The following PBX4 variants were observed in gnomAD, a reference collection of about 807,000 sequenced individuals.
PBX4 encodes PBX homeobox 4.
PBX4 carries 26 observed loss-of-function variants against 35.1 expected under a neutral mutation model. The observed-to-expected ratio is 0.74, with a 90% CI of 0.54 to 1.03. The LOEUF (loss-of-function observed/expected upper bound fraction) is 1.03, where lower values mean the gene tolerates loss of function less well. PBX4 is among the 50% of genes least tolerant of loss of function. The pLI is 0.00. For missense variants in PBX4, 448 were observed against 504.3 expected (o/e 0.89, Z 1.07); for synonymous variants, 199 against 204.2 (o/e 0.97, Z 0.22).
At chr19:19,605,338 C>T (rs1363021513) in intron 1 of PBX4, among the ~76,000 whole-genome samples, 1 of 150,848 alleles carries the variant, frequency 6.6e-6, no homozygotes, top group East Asian at 1.9e-4. Flanking sequence ...ATCACTTGAG[C>T]CTGGGAGGTG....
chr19:19,592,526 G>T (rs577701426), intron 2 of PBX4, among the ~76,000 whole-genome samples: 1 of 152,104 alleles, frequency 6.6e-6, no homozygotes, highest in African/African-American at 2.4e-5. Context: ...CCATTCCTGG[G>T]GTTCACCAGG....
Position 19,563,459 on chromosome 19 carries a change from T to G in PBX4, c.1032+50A>C. 3.5e-6 allele frequency: 5 copies of G among 1,419,880 alleles called. No individual in the cohort carries two copies. Among genetic ancestry groups the G allele is most frequent in the Non-Finnish European group, 4.8e-6 (5 of 1,049,272 alleles). 88.0% of individuals were successfully genotyped at this position (1,419,880 alleles called of 1,614,324 possible). A position where few individuals can be genotyped will look rare whatever the true frequency, so the allele number is the denominator to read the frequency against. On this transcript the variant is annotated intron_variant, in intron 7 of 7. Transcript: ENST00000251203. The surrounding 1 kb of genome is among the most constrained non-coding windows in gnomAD (Gnocchi z 5.1). Reference sequence around the variant, plus strand: ...GGGTGGCTGACAAGACGACCCTTTCTGAGAACCTACCACCCACCTGGGCGC... The same window carrying G: ...GGGTGGCTGACAAGACGACCCTTTCGGAGAACCTACCACCCACCTGGGCGC...
At chr19:19,617,587 A>C (rs1406011196) in intron 1 of PBX4, among the ~76,000 whole-genome samples, 1 of 152,072 alleles carries the variant, frequency 6.6e-6, no homozygotes, top group African/African-American at 2.4e-5. Context: ...CCCAGTCCTT[A>C]TTTTTTGCTA....
chr19:19,577,606 C>G (rs1026291834), intron 2 of PBX4, among the ~76,000 whole-genome samples: 3 of 152,158 alleles, frequency 2.0e-5, no homozygotes, highest in Non-Finnish European at 4.4e-5. Context: ...GTGGCTCACG[C>G]CTATAATCCC....
chr19:19,564,706 A>G lies in PBX4; in HGVS notation c.925+227T>C, dbSNP rs1057186780. On this transcript the variant is annotated intron_variant, in intron 6 of 7. Transcript: ENST00000251203. ...GTGAGCCACCGCACCCAGACCTTTC[A>G]TGTCTTTTCTTATTAGTATCGCCAT... 8.6e-6 allele frequency: 5 copies of G among 579,192 alleles called. No individual in the cohort carries two copies. In the African/African-American group the frequency reaches 9.4e-5, roughly 11 times the overall value. 35.9% of individuals were successfully genotyped at this position (579,192 alleles called of 1,614,324 possible).
At chr19:19,594,989 T>G (rs2061552694) in intron 2 of PBX4, among the ~76,000 whole-genome samples, 1 of 152,242 alleles carries the variant, frequency 6.6e-6, no homozygotes, top group South Asian at 2.1e-4. Context: ...CCCAAAGTGC[T>G]GGGATTACAG....
chr19:19,615,846 C>T (rs1234239756), intron 1 of PBX4, among the ~76,000 whole-genome samples: 5 of 152,128 alleles, frequency 3.3e-5, no homozygotes, highest in African/African-American at 9.7e-5. Context: ...GCCGAGATAG[C>T]GCCACTGCAC....
chr19:19,592,276 C>T (rs188252034), intron 2 of PBX4, among the ~76,000 whole-genome samples: 1 of 152,340 alleles, frequency 6.6e-6, no homozygotes, highest in East Asian at 1.9e-4. Flanking sequence ...ATCTGGTTCT[C>T]CCAGCTAAAT....
Position 19,608,865 on chromosome 19 carries a change from T to C in PBX4, c.120-9500A>G, listed in dbSNP as rs116649430. Among the ~76,000 whole-genome samples the C allele has an allele frequency of 4.1e-3, 624 of 152,284 alleles. 9 individuals are homozygous for C. Among genetic ancestry groups the C allele is most frequent in the African/African-American group, 0.014 (587 of 41,556 alleles). ...GTCTTGCTGAAGGGCTAACTCCTCATTGCCCTCTCTGGTCCCCGTGTCACC... is the reference window on the plus strand; with the variant it reads ...GTCTTGCTGAAGGGCTAACTCCTCACTGCCCTCTCTGGTCCCCGTGTCACC... On this transcript the variant is annotated intron_variant, in intron 1 of 7. Transcript: ENST00000251203.
At chr19:19,567,048 A>G (rs2061346764) in intron 5 of PBX4, among the ~76,000 whole-genome samples, 1 of 152,202 alleles carries the variant, frequency 6.6e-6, no homozygotes, top group Non-Finnish European at 1.5e-5. Context: ...AATGTTAAGT[A>G]TAAAAAGAAG....
At chr19:19,617,914 C>T (rs914671324) in intron 1 of PBX4, among the ~76,000 whole-genome samples, 2 of 151,914 alleles carry the variant, frequency 1.3e-5, no homozygotes, top group African/African-American at 4.8e-5. Context: ...GCCTGTAATC[C>T]CAGCACTTAG....
intron 2 of PBX4, 88 bp from the exon 3 acceptor site, chr19:19,570,921 G>A: frequency 6.5e-7 from 1 of 1,528,852 alleles, no homozygotes. Flanking sequence ...TGTTATGTCT[G>A]AAGATTTTTG....
intron 2 of PBX4, among the ~76,000 whole-genome samples, chr19:19,573,167 T>C (rs1167928976): frequency 6.6e-6 from 1 of 151,676 alleles, no homozygotes; most frequent in African/African-American, 2.4e-5. Flanking sequence ...TAGCCGGGCA[T>C]GATGGCACAT....
intron 5 of PBX4, among the ~76,000 whole-genome samples, chr19:19,568,161 C>A (rs906186101): frequency 1.4e-5 from 2 of 146,244 alleles, no homozygotes; most frequent in African/African-American, 5.1e-5. Context: ...CCTCAGGGAG[C>A]TCACACTCCA....
At chr19:19,593,445 G>A (rs967796288) in intron 2 of PBX4, among the ~76,000 whole-genome samples, 1 of 152,206 alleles carries the variant, frequency 6.6e-6, no homozygotes, top group African/African-American at 2.4e-5. Flanking sequence ...CACGGGATGA[G>A]GACAGATGGA....
chr19:19,599,354 A>T lies in PBX4; in HGVS notation c.131T>A (p.Leu44Gln). The T allele has an allele frequency of 6.2e-7, 1 of 1,613,440 alleles. No individual in the cohort carries two copies. The highest frequency in any genetic ancestry group is 8.5e-7 in the Non-Finnish European group (1 of 1,179,492). The change falls in exon 2 of 8, where the codon CTG becomes CAG. Residue 44 changes from leucine (L) to glutamine (Q), a missense_variant. Leu to Gln is a moderately radical substitution (Grantham distance 113). Coordinates refer to ENST00000251203, the MANE Select transcript of PBX4 (RefSeq NM_025245.3). ...AGCAGGCTTCATCCGATGGCAATTC[A>T]GAGCATGCTTTCTGAAAGGGAGGTG... Reference protein sequence around the residue: ...LDEAQARKHALNCHRMKPALF... With the variant: ...LDEAQARKHAQNCHRMKPALF...
At chr19:19,574,223 G>A (rs1159524119) in intron 2 of PBX4, among the ~76,000 whole-genome samples, 1 of 152,106 alleles carries the variant, frequency 6.6e-6, no homozygotes, top group Non-Finnish European at 1.5e-5. Context: ...TCATCACCAG[G>A]AATGAGGGCA....
chr19:19,583,692 T>G (rs1393786051), intron 2 of PBX4, among the ~76,000 whole-genome samples: 2 of 152,134 alleles, frequency 1.3e-5, no homozygotes, highest in Non-Finnish European at 2.9e-5. Flanking sequence ...GCTCATGCCC[T>G]AATCCCAGCA....
chr19:19,594,719 G>A (rs568402178), intron 2 of PBX4, among the ~76,000 whole-genome samples: 26 of 152,158 alleles, frequency 1.7e-4, no homozygotes, highest in African/African-American at 6.3e-4. Flanking sequence ...GACTACAGTT[G>A]ATTAAAGTAC....
Sources: allele counts gnomAD v4.1 joint callset (sites outside exome capture counted in the v4.1 genomes callset), GRCh38; gene constraint gnomAD v4.1.1; non-coding constraint Gnocchi (gnomAD v3.1); transcripts MANE v1.5; gene names NCBI Gene and HGNC (gene_info 2026-07-23, HGNC 2026-07-21).